The following UNC5D variants were observed in gnomAD, a reference collection of about 807,000 sequenced individuals.
The protein encoded by UNC5D is netrin receptor UNC5D.
In UNC5D, 39 loss-of-function variants were observed where a neutral mutation model predicts 105.4. That is an observed-to-expected ratio of 0.37 (90% CI 0.29 to 0.48). The LOEUF is 0.48. Ranked by LOEUF, UNC5D falls within the 20% of genes least tolerant of loss-of-function variation. The probability of loss-of-function intolerance (pLI) is 0.98; values close to 1 mark genes in which losing one functional copy is unlikely to be tolerated. For missense variants in UNC5D, 991 were observed against 1,202.4 expected (o/e 0.82, Z 2.60); for synonymous variants, 452 against 450.4 (o/e 1.00, Z -0.04).
At chr8:35,588,905 T>C (rs1489667703) in intron 3 of UNC5D, among the ~76,000 whole-genome samples, 1 of 152,004 alleles carries the variant, frequency 6.6e-6, no homozygotes, top group African/African-American at 2.4e-5. Flanking sequence ...TAGCCAGACG[T>C]GGTGGCACAC....
chr8:35,572,301 C>A (rs1342232462), intron 3 of UNC5D, among the ~76,000 whole-genome samples: 25 of 105,790 alleles, frequency 2.4e-4, no homozygotes, highest in African/African-American at 6.8e-4. Context: ...AAAAAAAAAA[C>A]CCACACAAAA....
chr8:35,624,115 T>C (rs1821544327), intron 4 of UNC5D, among the ~76,000 whole-genome samples: 4 of 152,174 alleles, frequency 2.6e-5, no homozygotes, highest in African/African-American at 7.2e-5. Context: ...TTATTTTTCC[T>C]GTTTCTCTAC....
intron 4 of UNC5D, among the ~76,000 whole-genome samples, chr8:35,601,152 G>C (rs1045221523): frequency 6.6e-6 from 1 of 152,008 alleles, no homozygotes; most frequent in East Asian, 1.9e-4. Flanking sequence ...CTGTTCCATT[G>C]TTCTATATCT....
At chr8:35,553,268 C>T (rs1359237180) in intron 2 of UNC5D, among the ~76,000 whole-genome samples, 2 of 151,926 alleles carry the variant, frequency 1.3e-5, no homozygotes, top group African/African-American at 4.8e-5. Flanking sequence ...ATTCCCCTAG[C>T]ATTGCTAGGC....
rs57681405 is a variant in UNC5D, at chr8:35,587,965, AATATATATATATATATATAT to A, written c.467-7579_467-7560del. ...TTAGGGTTTTTCCTATAACTATAAT[AATATATATATATATATATAT>A]ATATATATACTAATCCCACACCAGT... On this transcript the variant is annotated intron_variant, in intron 3 of 16. Transcript: ENST00000404895. Among the ~76,000 whole-genome samples, 8 of 105,096 alleles carry A rather than the reference AATATATATATATATATATAT, an allele frequency of 7.6e-5. No individual in the cohort carries two copies. The South Asian group carries it at 1.2e-3, about 16-fold the overall frequency. The allele number at this position is 105,096 out of a possible 152,430, so 68.9% of individuals were successfully genotyped here.
At chr8:35,525,061 T>C (rs1476022352) in intron 1 of UNC5D, 1 of 932,134 alleles carries the variant, frequency 1.1e-6, no homozygotes, top group Non-Finnish European at 1.6e-6. Context: ...GCTGACCCTT[T>C]GTTAAGAGCC....
intron 1 of UNC5D, among the ~76,000 whole-genome samples, chr8:35,448,984 G>A (rs965925916): frequency 6.6e-6 from 1 of 151,982 alleles, no homozygotes; most frequent in Non-Finnish European, 1.5e-5. Flanking sequence ...GGTGTGTGAG[G>A]GCAAGAACCA....
chr8:35,432,854 T>G (rs1189370835), intron 1 of UNC5D, among the ~76,000 whole-genome samples: 1 of 152,194 alleles, frequency 6.6e-6, no homozygotes, highest in Non-Finnish European at 1.5e-5. Flanking sequence ...CAAGGCAGCT[T>G]TGTCTGGTGC....
intron 1 of UNC5D, among the ~76,000 whole-genome samples, chr8:35,239,499 T>TC (rs1188579738): frequency 6.6e-6 from 1 of 151,638 alleles, no homozygotes; most frequent in East Asian, 1.9e-4. Context: ...CTTCTGCTTT[T>TC]TTTTTTTTAA....
At chr8:35,699,292 C>T (rs534772025) in intron 7 of UNC5D, among the ~76,000 whole-genome samples, 9 of 152,170 alleles carry the variant, frequency 5.9e-5, no homozygotes, top group African/African-American at 1.2e-4. Context: ...GGGAAGACTA[C>T]ATCTCCTGAA....
chr8:35,263,005 C>G (rs1387387204), intron 1 of UNC5D, among the ~76,000 whole-genome samples: 2 of 152,124 alleles, frequency 1.3e-5, no homozygotes. Context: ...GTGATGTATC[C>G]TCAGGCTACC....
intron 4 of UNC5D, among the ~76,000 whole-genome samples, chr8:35,631,616 C>T (rs1822049871): frequency 6.6e-6 from 1 of 152,188 alleles, no homozygotes; most frequent in South Asian, 2.1e-4. Flanking sequence ...GCCGAAGTTG[C>T]TCACTTCTCC....
intron 8 of UNC5D, among the ~76,000 whole-genome samples, chr8:35,715,450 T>C (rs1166987558): frequency 6.6e-5 from 10 of 152,248 alleles, no homozygotes; most frequent in Non-Finnish European, 1.5e-4. Context: ...TCTAATCTTA[T>C]ATATGTATTA....
intron 4 of UNC5D, among the ~76,000 whole-genome samples, chr8:35,597,824 C>T (rs1021820370): frequency 1.9e-4 from 29 of 152,250 alleles, no homozygotes; most frequent in Middle Eastern, 6.8e-3. Context: ...TTTAAGGGCT[C>T]TGTTCAAAAT....
At chr8:35,565,842 G>A (rs935339887) in intron 2 of UNC5D, among the ~76,000 whole-genome samples, 1 of 152,144 alleles carries the variant, frequency 6.6e-6, no homozygotes, top group African/African-American at 2.4e-5. Context: ...CCCAGTATAT[G>A]TTTTTGTCTG....
In UNC5D at chr8:35,793,104, G is replaced by C. The variant is rs1286247756; in HGVS notation, c.*2541G>C. On this transcript the variant is annotated 3_prime_UTR_variant, in exon 17 of 17. Transcript: ENST00000404895. ...TCAAATTCATCCTTCAGCCTGTCTT[G>C]TTTCTTCTTTATGTTTCTTTTACTT... 6 of 453,096 alleles carry C rather than the reference G, an allele frequency of 1.3e-5. No homozygotes were observed. The highest frequency in any genetic ancestry group is 9.4e-5 in the South Asian group (6 of 63,690). 28.1% of individuals were successfully genotyped at this position (453,096 alleles called of 1,614,324 possible). A position where few individuals can be genotyped will look rare whatever the true frequency, so the allele number is the denominator to read the frequency against.
intron 1 of UNC5D, among the ~76,000 whole-genome samples, chr8:35,351,688 C>G (rs562686611): frequency 1.3e-5 from 2 of 152,238 alleles, no homozygotes; most frequent in South Asian, 4.1e-4. Context: ...TTCACTCTCC[C>G]TAGCCTTAGG....
At chr8:35,446,046 G>A (rs1293524697) in intron 1 of UNC5D, among the ~76,000 whole-genome samples, 2 of 152,010 alleles carry the variant, frequency 1.3e-5, no homozygotes, top group South Asian at 2.1e-4. Flanking sequence ...GGAACAGGTA[G>A]TATTTGGTTA....
rs1554519175 is a variant in UNC5D at position 35,380,090 on chromosome 8, G to GGT, written c.103+144204_103+144205insTG. Among the ~76,000 whole-genome samples the GGT allele has an allele frequency of 2.9e-4, 31 of 108,092 alleles. 3 individuals carry two copies. Among genetic ancestry groups the GGT allele is most frequent in the Non-Finnish European group, 3.7e-4 (19 of 51,726 alleles). The allele number at this position is 108,092 out of a possible 152,430, so 70.9% of individuals were successfully genotyped here. ...ACTCTTAACCTATAATTGGGGGTGG[G>GGT]GGGGGGGTCGGGGAGAGAGAGAGAG... On this transcript the variant is annotated intron_variant, in intron 1 of 16. Transcript: ENST00000404895.
Sources: gnomAD v4.1 joint callset for allele counts (sites outside exome capture counted in the v4.1 genomes callset) on GRCh38, gnomAD v4.1.1 for gene constraint, MANE v1.5 for transcripts, NCBI Gene and HGNC (gene_info 2026-07-23, HGNC 2026-07-21) for gene names.